BRD4: variants seen among roughly 807,000 people sequenced by gnomAD.
BRD4 encodes bromodomain-containing protein 4.
Under a neutral mutation model 142.1 loss-of-function variants are expected in BRD4, and 16 were observed. The observed-to-expected ratio is 0.11, with a 90% confidence interval of 0.08 to 0.17. The LOEUF is 0.17. Among genes scored for constraint, BRD4 ranks in the 10% least tolerant of loss-of-function variants. BRD4 has a pLI of 1.00. For missense variants in BRD4, 1,424 were observed against 1,810.9 expected (o/e 0.79, Z 3.88); for synonymous variants, 833 against 707.5 (o/e 1.18, Z -2.82).
chr19:15,326,794 C>T (rs747586041), intron 1 of BRD4, among the ~76,000 whole-genome samples: 3 of 152,198 alleles, frequency 2.0e-5, no homozygotes, highest in Non-Finnish European at 2.9e-5. Context: ...TCTTCCTCTG[C>T]TTCTTCAGAG....
intron 11 of BRD4, among the ~76,000 whole-genome samples, chr19:15,249,545 G>C (rs765185857): frequency 6.6e-6 from 1 of 152,210 alleles, no homozygotes; most frequent in Non-Finnish European, 1.5e-5. Context: ...AGCCTGCTCA[G>C]CTTCTAGAGA....
chr19:15,307,030 A>G (rs1235315382), intron 1 of BRD4, among the ~76,000 whole-genome samples: 3 of 152,226 alleles, frequency 2.0e-5, no homozygotes, highest in African/African-American at 4.8e-5. Context: ...AAAACGAGGT[A>G]TACCTATACA....
In BRD4 at chr19:15,253,790, G is replaced by A. The variant is rs753332846; in HGVS notation, c.2158+362C>T. ...TCTCCACTGGTGCAGAAAGCTGGGT[G>A]TGGTCACATCAAGGTCAACAGCACA... On this transcript the variant is annotated intron_variant, in intron 11 of 19. Coordinates refer to ENST00000679869, the MANE Select transcript of BRD4 (RefSeq NM_001379291.1). The A allele has an allele frequency of 2.8e-5, 44 of 1,594,714 alleles. No homozygotes were observed. In the South Asian group the frequency reaches 4.4e-4, roughly 16 times the overall value.
At chr19:15,310,213 CTTTTTTTT>C (rs34519343) in intron 1 of BRD4, among the ~76,000 whole-genome samples, 2 of 122,408 alleles carry the variant, frequency 1.6e-5, no homozygotes, top group Admixed American at 9.1e-5. Flanking sequence ...TTAAACAGTC[CTTTTTTTT>C]TTTTTTTTTT....
chr19:15,250,578 C>A (rs955157124), intron 11 of BRD4, among the ~76,000 whole-genome samples: 1 of 152,196 alleles, frequency 6.6e-6, no homozygotes, highest in South Asian at 2.1e-4. Flanking sequence ...AGCTGGACTG[C>A]GCTCCCGTTC....
intron 11 of BRD4, chr19:15,249,120 C>A: frequency 8.1e-7 from 1 of 1,235,812 alleles, no homozygotes; most frequent in Non-Finnish European, 1.1e-6. Flanking sequence ...TGCTGCTGGA[C>A]ATGACTAATC....
At chr19:15,270,620 T>TG (rs2047576720) in intron 2 of BRD4, among the ~76,000 whole-genome samples, 1 of 151,940 alleles carries the variant, frequency 6.6e-6, no homozygotes. Context: ...GAGAGAACGG[T>TG]GGGGGAAGAG....
Position 15,238,937 on chromosome 19 carries a change from G to T in BRD4, c.3826C>A (p.His1276Asn). The T allele has an allele frequency of 6.3e-7, 1 of 1,597,044 alleles. No homozygotes were observed. The highest frequency in any genetic ancestry group is 2.3e-5 in the East Asian group (1 of 44,252). Residue 1276 changes from histidine to asparagine, a missense_variant, in exon 19 of 20, where the codon CAT becomes AAT. His to Asn is a moderately conservative substitution (Grantham distance 68). Around this residue, in one of 16 missense-constraint regions of BRD4, gnomAD observed 109 missense variants for 117.9 expected, o/e 0.92. Coordinates refer to ENST00000679869, the MANE Select transcript of BRD4 (RefSeq NM_001379291.1). The surrounding 1 kb of genome is among the most constrained non-coding windows in gnomAD (Gnocchi z 7.2). ...TCCTGGCGCCGACGTGCCTCCTCAT[G>T]GGCCCGCCGGGCCTGCTCCAGCGCA... ...EDALEQARRA[H>N]EEARRRQEQQ...
intron 11 of BRD4, among the ~76,000 whole-genome samples, chr19:15,246,793 C>A (rs2047291492): frequency 6.6e-6 from 1 of 152,060 alleles, no homozygotes; most frequent in African/African-American, 2.4e-5. Context: ...GTCTCCAGGG[C>A]CCCTTGCAAG....
intron 1 of BRD4, among the ~76,000 whole-genome samples, chr19:15,290,541 G>A (rs1199177110): frequency 5.3e-5 from 8 of 152,098 alleles, no homozygotes; most frequent in Non-Finnish European, 1.2e-4. Context: ...ATGGGTGCAA[G>A]TATACACCTA....
intron 1 of BRD4, among the ~76,000 whole-genome samples, chr19:15,287,413 G>T (rs1293167267): frequency 6.6e-6 from 1 of 152,084 alleles, no homozygotes; most frequent in African/African-American, 2.4e-5. Flanking sequence ...TTTAATTTAT[G>T]TATTTATTTT....
intron 1 of BRD4, among the ~76,000 whole-genome samples, chr19:15,292,311 T>A (rs2047787936): frequency 1.3e-5 from 2 of 152,138 alleles, no homozygotes; most frequent in Non-Finnish European, 2.9e-5. Flanking sequence ...GACACTCAAT[T>A]ACGGCTGCAG....
intron 11 of BRD4, chr19:15,249,141 G>C: frequency 7.0e-7 from 1 of 1,436,118 alleles, no homozygotes. Context: ...CACCCCGGGG[G>C]ACAGGCCCAG....
chr19:15,260,419 A>G (rs1420781077), intron 7 of BRD4, among the ~76,000 whole-genome samples: 2 of 152,208 alleles, frequency 1.3e-5, no homozygotes, highest in Non-Finnish European at 2.9e-5. Flanking sequence ...CAGAGAAAGT[A>G]GAGAGAAGTA....
Position 15,324,086 on chromosome 19 carries a change from G to A in BRD4, c.-35+8204C>T, listed in dbSNP as rs77599658. 4.6e-3 allele frequency among the ~76,000 whole-genome samples: 695 copies of A among 152,160 alleles called. 2 individuals carry two copies. The highest frequency in any genetic ancestry group is 0.016 in the African/African-American group (666 of 41,516). On this transcript the variant is annotated intron_variant, in intron 1 of 19. Coordinates refer to ENST00000679869, the MANE Select transcript of BRD4 (RefSeq NM_001379291.1). ...TGCACCCAACAGTGAACTCCATGGTGTTCTCTCTCCTCTCCTGCTCTGGTA... is the reference window on the plus strand; with the variant it reads ...TGCACCCAACAGTGAACTCCATGGTATTCTCTCTCCTCTCCTGCTCTGGTA...
chr19:15,263,620 G>T, intron 6 of BRD4, 72 bp from the exon 7 acceptor site: 1 of 1,586,064 alleles, frequency 6.3e-7, no homozygotes, highest in Non-Finnish European at 8.6e-7. Flanking sequence ...GGCAGCAGAC[G>T]AAAGGGATGC....
chr19:15,273,816 C>CTTT (rs920676613), intron 1 of BRD4, among the ~76,000 whole-genome samples: 3 of 127,380 alleles, frequency 2.4e-5, no homozygotes, highest in African/African-American at 5.7e-5. Context: ...CTACCATTTT[C>CTTT]TTTTTTTTTT....
At chr19:15,245,450 G>A (rs1276512943) in intron 11 of BRD4, among the ~76,000 whole-genome samples, 1 of 152,200 alleles carries the variant, frequency 6.6e-6, no homozygotes, top group Non-Finnish European at 1.5e-5. Context: ...ATGGACCTCA[G>A]AAGTCCCTGC....
chr19:15,274,277 T>C (rs1480461326), intron 1 of BRD4, among the ~76,000 whole-genome samples: 1 of 151,980 alleles, frequency 6.6e-6, no homozygotes, highest in Non-Finnish European at 1.5e-5. Flanking sequence ...GTCAGTGGGG[T>C]TTAAACCCCA....
Sources: gnomAD v4.1 joint callset for allele counts (sites outside exome capture counted in the v4.1 genomes callset) on GRCh38, gnomAD v4.1.1 for gene constraint, gnomAD v4.1.1 regional missense constraint, Gnocchi (gnomAD v3.1) non-coding constraint, MANE v1.5 for transcripts, NCBI Gene and HGNC (gene_info 2026-07-23, HGNC 2026-07-21) for gene names.